NOL9: variants seen among roughly 807,000 people sequenced by gnomAD.
NOL9 encodes the protein polynucleotide 5'-hydroxyl-kinase NOL9.
NOL9 carries 28 observed loss-of-function variants against 67.9 expected under a neutral mutation model. That is an observed-to-expected ratio of 0.41 (90% CI 0.31 to 0.57). NOL9 has a LOEUF of 0.57. Ranked by LOEUF, NOL9 falls within the 20% of genes least tolerant of loss-of-function variation. The probability of loss-of-function intolerance (pLI) is 0.25; values close to 1 mark genes in which losing one functional copy is unlikely to be tolerated. For synonymous variants in NOL9, 356 were observed against 352.2 expected, an observed-to-expected ratio of 1.01 and a Z score of -0.12; for missense variants, 777 against 897.0, an observed-to-expected ratio of 0.87 and a Z score of 1.71.
intron 5 of NOL9, among the ~76,000 whole-genome samples, chr1:6,542,187 A>C (rs1019058830): frequency 6.9e-5 from 10 of 145,910 alleles, no homozygotes; most frequent in African/African-American, 2.0e-4. Context: ...TTTACGATGG[A>C]GTCTCACGCT....
At chr1:6,530,730 T>C (rs1016809042) in intron 9 of NOL9, among the ~76,000 whole-genome samples, 2 of 152,198 alleles carry the variant, frequency 1.3e-5, no homozygotes, top group Non-Finnish European at 1.5e-5. Flanking sequence ...CAATGCCCAA[T>C]GCTCAAAGCT....
intron 6 of NOL9, among the ~76,000 whole-genome samples, chr1:6,538,686 AC>A (rs1320659543): frequency 2.0e-5 from 3 of 151,724 alleles, no homozygotes; most frequent in African/African-American, 7.3e-5. Flanking sequence ...CAGACAAAAA[AC>A]AAAAAAACAA....
intron 3 of NOL9, among the ~76,000 whole-genome samples, chr1:6,546,239 C>G (rs193134087): frequency 1.6e-3 from 249 of 152,174 alleles, no homozygotes; most frequent in African/African-American, 5.8e-3. Context: ...GGTGAAGTCC[C>G]AGAAAAACAG....
intron 8 of NOL9, 112 bp from the exon 9 acceptor site, chr1:6,532,191 G>GC (rs922828123): frequency 1.7e-5 from 15 of 867,992 alleles, no homozygotes; most frequent in East Asian, 5.2e-5. Context: ...TTCCAACACT[G>GC]CCCCCCCTTG....
intron 9 of NOL9, among the ~76,000 whole-genome samples, chr1:6,529,425 C>CA (rs546919657): frequency 5.9e-5 from 9 of 151,902 alleles, no homozygotes; most frequent in South Asian, 4.2e-4. Context: ...CTTGTCTCTA[C>CA]AAAAAACACA....
At chr1:6,545,853 G>A (rs1639409368) in intron 3 of NOL9, among the ~76,000 whole-genome samples, 1 of 147,488 alleles carries the variant, frequency 6.8e-6, no homozygotes, top group Admixed American at 6.9e-5. Context: ...GGTGGAGGTT[G>A]CAGTGAGTCA....
At position 6,544,900 on chromosome 1, in the gene NOL9, G is replaced by T; in HGVS notation, c.903C>A (p.Val301=). ...CATCCTGGGATCCACAAACTAGAAT[G>T]ACAGGGCAGCCATCTACTTCTTCTG... ...VSCEEVDGCP[V]ILVCGSQDVG... is the part of the protein sequence containing the mutation. Residue 301 remains valine, a synonymous_variant, in exon 5 of 12, where the codon GTC becomes GTA. Coordinates refer to ENST00000377705, the MANE Select transcript of NOL9 (RefSeq NM_024654.5). 6.2e-7 allele frequency: 1 copy of T among 1,614,182 alleles called. No individual in the cohort carries two copies. Among genetic ancestry groups the T allele is most frequent in the South Asian group, 1.1e-5 (1 of 91,060 alleles).
intron 3 of NOL9, among the ~76,000 whole-genome samples, chr1:6,545,849 G>C (rs995624170): frequency 2.8e-5 from 4 of 144,622 alleles, no homozygotes; most frequent in Non-Finnish European, 6.0e-5. Flanking sequence ...AGGAGGTGGA[G>C]GTTGCAGTGA....
At chr1:6,532,904 G>T in intron 7 of NOL9, 144 bp from the exon 8 acceptor site, 1 of 832,732 alleles carries the variant, frequency 1.2e-6, no homozygotes, top group Non-Finnish European at 1.8e-6. Flanking sequence ...TGGGCACAGT[G>T]GCTCATGTTT....
intron 3 of NOL9, among the ~76,000 whole-genome samples, chr1:6,547,533 G>A (rs1639444634): frequency 6.7e-6 from 1 of 148,966 alleles, no homozygotes; most frequent in African/African-American, 2.5e-5. Context: ...AAAAAAAAAA[G>A]AACTTAAGGA....
In NOL9 at chr1:6,529,134, G is replaced by C. The variant is rs1638960702; in HGVS notation, c.1685C>G (p.Ser562Cys). 1 of 1,613,960 alleles carries C rather than the reference G, an allele frequency of 6.2e-7. No individual in the cohort carries two copies. The highest frequency in any genetic ancestry group is 1.1e-5 in the South Asian group (1 of 91,076). Residue 562 changes from serine (S) to cysteine (C), a missense_variant, in exon 10 of 12, where the codon TCT (serine) becomes TGT (cysteine). Physicochemically the swap from Ser to Cys is moderately radical, Grantham distance 112 (BLOSUM62 -1). Around this residue, in one of 2 missense-constraint regions of NOL9, gnomAD observed 413 missense variants for 552.6 expected, o/e 0.75. Transcript: ENST00000377705. ...TAGTATATGGGTAGGGGCGACATCA[G>C]AGTGGGTAATCCGGAGTGCGACTGC... ...FNAVALRITH[S>C]DVAPTHILYA...
intron 10 of NOL9, among the ~76,000 whole-genome samples, chr1:6,528,372 G>A (rs1638938115): frequency 6.6e-6 from 1 of 152,190 alleles, no homozygotes; most frequent in Non-Finnish European, 1.5e-5. Flanking sequence ...GATGCCGGTG[G>A]CTGACTAGCA....
intron 10 of NOL9, among the ~76,000 whole-genome samples, chr1:6,528,302 G>T (rs1298870172): frequency 1.3e-5 from 2 of 152,176 alleles, no homozygotes; most frequent in Non-Finnish European, 2.9e-5. Context: ...GGTCATTCCT[G>T]GCTGTAGGGA....
At chr1:6,534,538 C>T (rs975342346) in intron 6 of NOL9, among the ~76,000 whole-genome samples, 1 of 152,158 alleles carries the variant, frequency 6.6e-6, no homozygotes, top group Non-Finnish European at 1.5e-5. Flanking sequence ...GCGAATTCAG[C>T]CAGCGAGGCT....
intron 9 of NOL9, among the ~76,000 whole-genome samples, 186 bp from the exon 10 acceptor site, chr1:6,529,357 G>A (rs1163565765): frequency 6.6e-6 from 1 of 151,976 alleles, no homozygotes; most frequent in African/African-American, 2.4e-5. Flanking sequence ...TTGGGAGGCC[G>A]ACGCGGGTGG....
Position 6,524,868 on chromosome 1 carries a change from T to C in NOL9, c.*986A>G, listed in dbSNP as rs1464498762. On this transcript the variant is annotated 3_prime_UTR_variant, in exon 12 of 12. Transcript: ENST00000377705. Reference sequence around the variant, plus strand: ...CATTCTCCTGCCTCAGCCTCCTGAGTAGCTGGGACTATAGGCGCCCACCAC... The same window carrying C: ...CATTCTCCTGCCTCAGCCTCCTGAGCAGCTGGGACTATAGGCGCCCACCAC... 2 of 151,826 alleles carry C rather than the reference T, an allele frequency of 1.3e-5. No homozygotes were observed. The highest frequency in any genetic ancestry group is 2.9e-5 in the Non-Finnish European group (2 of 68,054). 9.4% of individuals were successfully genotyped at this position (151,826 alleles called of 1,614,324 possible).
chr1:6,531,952 T>C lies in NOL9; in HGVS notation c.1647+16A>G, dbSNP rs369499705. On this transcript the variant is annotated intron_variant, in intron 9 of 11. Coordinates refer to ENST00000377705, the MANE Select transcript of NOL9 (RefSeq NM_024654.5). ...GTAACAAAATGAAGACAATTTCTCC[T>C]GTAAGTTCAGATTACCTGATAGGGT... 3 of 1,596,680 alleles carry C rather than the reference T, an allele frequency of 1.9e-6. No individual in the cohort carries two copies. The highest frequency in any genetic ancestry group is 2.2e-5 in the South Asian group (2 of 90,646).
intron 10 of NOL9, among the ~76,000 whole-genome samples, chr1:6,528,177 AG>A (rs149967410): frequency 0.01 from 1,566 of 152,314 alleles, 28 homozygotes; most frequent in African/African-American, 0.036. Context: ...TCAGGAAACC[AG>A]GGCAGGTCAA....
chr1:6,549,602 T>G lies in NOL9; in HGVS notation c.713A>C (p.Tyr238Ser), dbSNP rs571857364. Residue 238 changes from tyrosine (Y) to serine (S), a missense_variant, in exon 3 of 12, where the codon TAT becomes TCT. Transcript: ENST00000377705. The stretch of plus-strand genomic sequence containing the variant: ...CACAAAAATGTAGGATGAACCCGGA[T>G]AGCTGGTTATGAAGTTTACAGTGGC... ...KTATVNFITS[Y>S]PGSSYIFVQE... 1 of 1,614,196 alleles carries G rather than the reference T, an allele frequency of 6.2e-7. No individual in the cohort carries two copies. Among genetic ancestry groups the G allele is most frequent in the South Asian group, 1.1e-5 (1 of 91,084 alleles).
Sources: gnomAD v4.1 joint callset for allele counts (sites outside exome capture counted in the v4.1 genomes callset) on GRCh38, gnomAD v4.1.1 for gene constraint, gnomAD v4.1.1 regional missense constraint, MANE v1.5 for transcripts, NCBI Gene and HGNC (gene_info 2026-07-23, HGNC 2026-07-21) for gene names.